Variants in AK5 observed in about 807,000 individuals in gnomAD.
The protein encoded by AK5 is adenylate kinase isoenzyme 5.
A neutral mutation model predicts 69.5 loss-of-function variants in AK5; 27 were observed. The observed-to-expected ratio is 0.39, with a 90% CI of 0.29 to 0.54. The LOEUF (loss-of-function observed/expected upper bound fraction) is 0.54, where lower values mean the gene tolerates loss of function less well. Ranked by LOEUF, AK5 falls within the 20% of genes least tolerant of loss-of-function variation. The pLI, the probability that AK5 is intolerant of heterozygous loss-of-function variation, is 0.71. For synonymous variants in AK5, 260 were observed against 244.4 expected (o/e 1.06, Z -0.60); for missense variants, 531 against 700.4 (o/e 0.76, Z 2.73).
chr1:77,468,495 G>T (rs1654279818), intron 8 of AK5, among the ~76,000 whole-genome samples: 1 of 152,230 alleles, frequency 6.6e-6, no homozygotes, highest in Non-Finnish European at 1.5e-5. Flanking sequence ...CCAGGAAAGG[G>T]CTGCCTTCAC....
intron 8 of AK5, among the ~76,000 whole-genome samples, chr1:77,474,100 C>T (rs907832403): frequency 6.6e-6 from 1 of 152,146 alleles, no homozygotes. Flanking sequence ...AATTAATGGA[C>T]TCATTTGTCT....
At chr1:77,350,629 C>A (rs772384889) in intron 6 of AK5, among the ~76,000 whole-genome samples, 1 of 152,140 alleles carries the variant, frequency 6.6e-6, no homozygotes, top group Non-Finnish European at 1.5e-5. Context: ...TATGGCAGAT[C>A]GGCAACCATC....
intron 8 of AK5, among the ~76,000 whole-genome samples, chr1:77,469,768 CA>C (rs1654351700): frequency 6.6e-6 from 1 of 152,198 alleles, no homozygotes; most frequent in South Asian, 2.1e-4. Context: ...TGGAAGCATG[CA>C]GGATACTTGA....
intron 13 of AK5, among the ~76,000 whole-genome samples, chr1:77,557,901 C>A (rs921876722): frequency 1.3e-5 from 2 of 151,720 alleles, no homozygotes; most frequent in Non-Finnish European, 2.9e-5. Context: ...ATCCCACCCC[C>A]CACCGCCCTC....
chr1:77,531,351 A>G (rs909291270), intron 12 of AK5, among the ~76,000 whole-genome samples: 13 of 152,168 alleles, frequency 8.5e-5, no homozygotes, highest in African/African-American at 2.9e-4. Context: ...ATCTGGCCCC[A>G]CCCACATCCT....
At chr1:77,500,813 G>A (rs1458028688) in intron 10 of AK5, among the ~76,000 whole-genome samples, 1 of 151,998 alleles carries the variant, frequency 6.6e-6, no homozygotes, top group Non-Finnish European at 1.5e-5. Context: ...AAAAAAACAA[G>A]CAAAGGCTGA....
In AK5 at chr1:77,521,855, C is replaced by G; in HGVS notation, c.1340C>G (p.Ala447Gly). 6.2e-7 allele frequency: 1 copy of G among 1,613,840 alleles called. No homozygotes were observed. Among genetic ancestry groups the G allele is most frequent in the Non-Finnish European group, 8.5e-7 (1 of 1,179,918 alleles). Residue 447 changes from alanine to glycine, a missense_variant, in exon 12 of 14, where the codon GCC becomes GGC. By Grantham distance (60) the Ala-to-Gly change is moderately conservative. Coordinates refer to ENST00000354567, the MANE Select transcript of AK5 (RefSeq NM_174858.3). ...SGIVLELLKE[A>G]MVASLGDTRG... ...ATCGTTTTGGAGCTCCTGAAGGAGG[C>G]CATGGTGGCCAGCCTCGGGGACACC...
chr1:77,400,370 T>C (rs1649125301), intron 6 of AK5, among the ~76,000 whole-genome samples: 1 of 152,204 alleles, frequency 6.6e-6, no homozygotes, highest in Non-Finnish European at 1.5e-5. Flanking sequence ...AAAATGGAGA[T>C]AATGTTTTAT....
chr1:77,342,561 T>G (rs2100388072), intron 6 of AK5, among the ~76,000 whole-genome samples: 1 of 152,300 alleles, frequency 6.6e-6, no homozygotes, highest in South Asian at 2.1e-4. Flanking sequence ...CCTAGTAAAG[T>G]CGCCTTTTGG....
At chr1:77,443,679 G>C (rs1004814903) in intron 8 of AK5, among the ~76,000 whole-genome samples, 1 of 97,980 alleles carries the variant, frequency 1.0e-5, no homozygotes, top group African/African-American at 4.9e-5. Flanking sequence ...TGGGGAGTCT[G>C]TGTGTGTGTG....
chr1:77,367,555 TTTTA>T lies in AK5; in HGVS notation c.891+26989_891+26992del, dbSNP rs1299401596. ...TGTTGCCCAGACTCATTTATGTTAT[TTTTA>T]TATATATATATATATATATAATATA... On this transcript the variant is annotated intron_variant, in intron 6 of 13. Transcript: ENST00000354567. 3.2e-4 allele frequency among the ~76,000 whole-genome samples: 19 copies of T among 59,298 alleles called. 5 individuals are homozygous for T. Among genetic ancestry groups the T allele is most frequent in the African/African-American group, 1.8e-3 (19 of 10,824 alleles). The allele number at this position is 59,298 out of a possible 152,430, so 38.9% of individuals were successfully genotyped here. A position where few individuals can be genotyped will look rare whatever the true frequency, so the allele number is the denominator to read the frequency against.
intron 10 of AK5, among the ~76,000 whole-genome samples, chr1:77,505,086 C>T (rs766559838): frequency 6.6e-6 from 1 of 152,164 alleles, no homozygotes; most frequent in African/African-American, 2.4e-5. Context: ...CAGTTGTGCC[C>T]GTTTTATGTT....
At chr1:77,284,013 T>G (rs183316479) in intron 1 of AK5, among the ~76,000 whole-genome samples, 214 of 152,352 alleles carry the variant, frequency 1.4e-3, no homozygotes, top group Non-Finnish European at 2.5e-3. Context: ...TGCATGCAAA[T>G]AAGTTATGGC....
At chr1:77,464,224 G>T (rs1654008769) in intron 8 of AK5, among the ~76,000 whole-genome samples, 1 of 152,134 alleles carries the variant, frequency 6.6e-6, no homozygotes, top group Admixed American at 6.5e-5. Flanking sequence ...ACTCTCTCAA[G>T]GCCAGAGTCC....
Position 77,359,263 on chromosome 1 carries a change from A to C in AK5, c.891+18695A>C, listed in dbSNP as rs1009420085. On this transcript the variant is annotated intron_variant, in intron 6 of 13. Coordinates refer to ENST00000354567, the MANE Select transcript of AK5 (RefSeq NM_174858.3). ...AGCGAGACTCTGTCTCAAAAAAAAA[A>C]AAAGAATTATAAAAGAGAACCCATT... Among the ~76,000 whole-genome samples, 7 of 152,150 alleles carry C rather than the reference A, an allele frequency of 4.6e-5. 1 individual carries two copies. Among genetic ancestry groups the C allele is most frequent in the South Asian group, 4.2e-4 (2 of 4,808 alleles).
chr1:77,402,799 G>A (rs1432508744), intron 6 of AK5, among the ~76,000 whole-genome samples: 1 of 152,150 alleles, frequency 6.6e-6, no homozygotes, highest in African/African-American at 2.4e-5. Context: ...ATAGTCCTTT[G>A]TGTATATACC....
chr1:77,415,659 G>A (rs768729917), intron 7 of AK5, among the ~76,000 whole-genome samples: 128 of 152,152 alleles, frequency 8.4e-4, no homozygotes, highest in South Asian at 1.0e-3. Context: ...TATGACCTGC[G>A]TCATCATCAA....
At chr1:77,344,020 A>G (rs897077345) in intron 6 of AK5, among the ~76,000 whole-genome samples, 7 of 152,218 alleles carry the variant, frequency 4.6e-5, no homozygotes, top group South Asian at 2.1e-4. Context: ...TTTAGATTCT[A>G]TATTGTCCGT....
intron 8 of AK5, among the ~76,000 whole-genome samples, chr1:77,478,693 C>T (rs181289577): frequency 3.8e-4 from 58 of 152,292 alleles, no homozygotes; most frequent in African/African-American, 1.3e-3. Context: ...TGTAATCAAA[C>T]CCAGTTGAAG....
Sources: allele counts gnomAD v4.1 joint callset (sites outside exome capture counted in the v4.1 genomes callset), GRCh38; gene constraint gnomAD v4.1.1; transcripts MANE v1.5; gene names NCBI Gene and HGNC (gene_info 2026-07-23, HGNC 2026-07-21).